RAVER2: variants seen among roughly 807,000 people sequenced by gnomAD.
The protein encoded by RAVER2 is ribonucleoprotein PTB-binding 2.
A neutral mutation model predicts 78.1 loss-of-function variants in RAVER2; 46 were observed. The ratio of observed to expected loss-of-function variants is 0.59; its 90% confidence interval spans 0.46 to 0.75. RAVER2 has a LOEUF of 0.75. Among genes scored for constraint, RAVER2 ranks in the 30% least tolerant of loss-of-function variants. The pLI, the probability that RAVER2 is intolerant of heterozygous loss-of-function variation, is 0.00. For synonymous variants in RAVER2, 311 were observed against 313.3 expected (o/e 0.99, Z 0.08); for missense variants, 793 against 837.5 (o/e 0.95, Z 0.66).
chr1:64,814,728 A>C lies in RAVER2; in HGVS notation c.1817A>C (p.His606Pro). 4 of 1,558,374 alleles carry C rather than the reference A, an allele frequency of 2.6e-6. No homozygotes were observed. The South Asian group carries it at 5.0e-5, about 19-fold the overall frequency. ...GCCCCTGCAAGTAAAACCACTCTTC[A>C]TAAGACTGGAATTGCAAGCAGCATT... is the stretch of plus-strand genomic sequence containing the variant. The change falls in exon 11 of 12, where the codon CAT (histidine) becomes CCT (proline). Residue 606 changes from histidine to proline, a missense_variant. His to Pro is a moderately conservative substitution (Grantham distance 77). Transcript: ENST00000294428.
At chr1:64,750,699 C>T (rs564522154) in intron 1 of RAVER2, among the ~76,000 whole-genome samples, 1 of 152,164 alleles carries the variant, frequency 6.6e-6, no homozygotes, top group South Asian at 2.1e-4. Flanking sequence ...TTATTCTCTA[C>T]TTTTTTCCTG....
At chr1:64,785,885 C>T (rs1275575037) in intron 4 of RAVER2, among the ~76,000 whole-genome samples, 1 of 152,054 alleles carries the variant, frequency 6.6e-6, no homozygotes, top group East Asian at 1.9e-4. Context: ...TCAATTTCAA[C>T]ATATTATATA....
Position 64,807,479 on chromosome 1 carries a change from G to A in RAVER2, c.1680+5G>A, listed in dbSNP as rs1345396619. On this transcript the variant is annotated splice_donor_5th_base_variant and intron_variant, in intron 9 of 11. Coordinates refer to ENST00000294428, the Ensembl canonical transcript of RAVER2. ...GGCACAGAGATAAGTTCAGGGGTAA[G>A]AAAACTGTGGGTGCACACAGATGTA... 1 of 1,612,010 alleles carries A rather than the reference G, an allele frequency of 6.2e-7. No homozygotes were observed. The highest frequency in any genetic ancestry group is 2.2e-5 in the East Asian group (1 of 44,834).
intron 11 of RAVER2, among the ~76,000 whole-genome samples, chr1:64,818,409 G>A (rs559897232): frequency 6.6e-6 from 1 of 152,166 alleles, no homozygotes; most frequent in Non-Finnish European, 1.5e-5. Flanking sequence ...GGTGGTGGGC[G>A]CCTGTAGTCC....
intron 11 of RAVER2, among the ~76,000 whole-genome samples, chr1:64,828,832 TCTC>T (rs367854193): frequency 3.9e-5 from 6 of 152,224 alleles, no homozygotes; most frequent in Admixed American, 6.5e-5. Context: ...TTCCCCCTCT[TCTC>T]CTCAGCTCCT....
intron 3 of RAVER2, among the ~76,000 whole-genome samples, chr1:64,778,872 T>C (rs1466627909): frequency 6.7e-6 from 1 of 149,134 alleles, no homozygotes; most frequent in Non-Finnish European, 1.5e-5. Flanking sequence ...CTCTCCTCCT[T>C]TGCATCTTTT....
At chr1:64,785,432 C>T (rs571190599) in intron 4 of RAVER2, among the ~76,000 whole-genome samples, 6 of 149,578 alleles carry the variant, frequency 4.0e-5, no homozygotes, top group East Asian at 3.9e-4. Context: ...TGCAGTGGCA[C>T]GATCTTGGCT....
At chr1:64,803,195 G>C in intron 6 of RAVER2, 134 bp downstream of exon 6, 1 of 602,652 alleles carries the variant, frequency 1.7e-6, no homozygotes, top group Non-Finnish European at 2.8e-6. Context: ...ATAAGTATAG[G>C]TATGTAAAAT....
chr1:64,782,336 G>A (rs1335349290), intron 4 of RAVER2, among the ~76,000 whole-genome samples: 2 of 152,182 alleles, frequency 1.3e-5, no homozygotes, highest in Non-Finnish European at 1.5e-5. Context: ...GAGGATCCTT[G>A]GAGATGGAGA....
chr1:64,770,579 G>A (rs1652288863), intron 2 of RAVER2, among the ~76,000 whole-genome samples: 1 of 151,994 alleles, frequency 6.6e-6, no homozygotes, highest in African/African-American at 2.4e-5. Context: ...TGATGAAGAA[G>A]CAGGAAAACC....
chr1:64,779,487 G>C (rs1652570192), intron 3 of RAVER2, among the ~76,000 whole-genome samples: 1 of 151,658 alleles, frequency 6.6e-6, no homozygotes. Context: ...TCTTGTCTCA[G>C]CCTCCCAAGT....
intron 1 of RAVER2, among the ~76,000 whole-genome samples, chr1:64,754,684 G>T (rs936067296): frequency 1.3e-4 from 20 of 152,080 alleles, no homozygotes; most frequent in South Asian, 2.1e-4. Context: ...ATTTCAAGGG[G>T]GTATGGATCT....
At chr1:64,769,286 CAT>C (rs1194721629) in intron 2 of RAVER2, among the ~76,000 whole-genome samples, 3 of 151,932 alleles carry the variant, frequency 2.0e-5, no homozygotes, top group Non-Finnish European at 4.4e-5. Context: ...CTAGAGCCCT[CAT>C]GTAGATCTGT....
At chr1:64,787,684 C>G (rs1229566855) in intron 4 of RAVER2, among the ~76,000 whole-genome samples, 1 of 152,208 alleles carries the variant, frequency 6.6e-6, no homozygotes. Context: ...TGCCATCCTG[C>G]TGTTCGTTGG....
At chr1:64,777,867 T>C (rs763797610) in exon 3 of RAVER2, 1 of 1,614,126 alleles carries the variant, frequency 6.2e-7, no homozygotes, top group Admixed American at 1.7e-5. Flanking sequence ...GCTATGGATT[T>C]GTGGAATACA....
chr1:64,809,622 A>T (rs946088409), intron 9 of RAVER2, among the ~76,000 whole-genome samples: 13 of 152,210 alleles, frequency 8.5e-5, no homozygotes, highest in African/African-American at 2.9e-4. Context: ...TACATAACAT[A>T]CAATTTACCA....
At chr1:64,802,126 A>G (rs1233164537) in intron 5 of RAVER2, among the ~76,000 whole-genome samples, 3 of 152,178 alleles carry the variant, frequency 2.0e-5, no homozygotes, top group African/African-American at 7.2e-5. Flanking sequence ...GAGTGTAGCA[A>G]TGAGGACGGC....
chr1:64,829,715 C>T (rs945982551), intron 11 of RAVER2, among the ~76,000 whole-genome samples: 1 of 152,168 alleles, frequency 6.6e-6, no homozygotes, highest in Non-Finnish European at 1.5e-5. Flanking sequence ...ACATACTTTA[C>T]TACCAGGAAA....
chr1:64,751,902 A>T (rs985414741), intron 1 of RAVER2, among the ~76,000 whole-genome samples: 2 of 152,188 alleles, frequency 1.3e-5, no homozygotes, highest in East Asian at 3.9e-4. Flanking sequence ...ATTGCTTATC[A>T]TGTGTCTCGG....
Sources: gnomAD v4.1 joint callset for allele counts (sites outside exome capture counted in the v4.1 genomes callset) on GRCh38, gnomAD v4.1.1 for gene constraint, MANE v1.5 for transcripts, NCBI Gene and HGNC (gene_info 2026-07-23, HGNC 2026-07-21) for gene names.